Variants in VAV2 observed in about 807,000 individuals in gnomAD.
The protein encoded by VAV2 is guanine nucleotide exchange factor VAV2.
In VAV2, 67 loss-of-function variants were observed where a neutral mutation model predicts 132.5. The ratio of observed to expected loss-of-function variants is 0.51; its 90% CI spans 0.42 to 0.62. The LOEUF (loss-of-function observed/expected upper bound fraction) is 0.62, where lower values mean the gene tolerates loss of function less well. VAV2 is among the 20% of genes least tolerant of loss of function. VAV2 has a pLI of 0.00. For missense variants in VAV2, 938 were observed against 1,153.6 expected, an observed-to-expected ratio of 0.81 and a Z score of 2.71; for synonymous variants, 492 against 443.5, an observed-to-expected ratio of 1.11 and a Z score of -1.37.
intron 2 of VAV2, among the ~76,000 whole-genome samples, chr9:133,878,687 G>A (rs912119665): frequency 2.0e-5 from 3 of 152,228 alleles, no homozygotes; most frequent in Admixed American, 2.0e-4. Context: ...CTCAGGAGGA[G>A]GATTCCCAGG....
chr9:133,970,429 C>T lies in VAV2; in HGVS notation c.204+21646G>A, dbSNP rs979230443. On this transcript the variant is annotated intron_variant, in intron 1 of 29. Transcript: ENST00000371850. ...GCCCACACGAGGCCACCGAGGCTCA[C>T]GGGACCTCACCAGACCTCACCTGAC... is the stretch of plus-strand genomic sequence containing the variant. Among the ~76,000 whole-genome samples the T allele has an allele frequency of 2.0e-5, 3 of 152,338 alleles. No homozygotes were observed. The East Asian group carries it at 5.8e-4, about 29-fold the overall frequency.
intron 1 of VAV2, among the ~76,000 whole-genome samples, chr9:133,972,809 C>A (rs1441653839): frequency 2.0e-5 from 3 of 152,134 alleles, no homozygotes; most frequent in Admixed American, 6.5e-5. Context: ...ACAGATGAGG[C>A]AACCAAGGCC....
chr9:133,895,860 A>C (rs1839178191), intron 2 of VAV2, among the ~76,000 whole-genome samples: 1 of 152,200 alleles, frequency 6.6e-6, no homozygotes, highest in Admixed American at 6.5e-5. Flanking sequence ...ACACACTGGC[A>C]AAAAACTGTC....
At chr9:133,798,445 A>C (rs1834807774) in intron 9 of VAV2, among the ~76,000 whole-genome samples, 1 of 152,132 alleles carries the variant, frequency 6.6e-6, no homozygotes, top group Non-Finnish European at 1.5e-5. Flanking sequence ...TGGCCCCAGC[A>C]TCGCTCTCTC....
chr9:133,880,420 G>A (rs1838445636), intron 2 of VAV2, among the ~76,000 whole-genome samples: 1 of 152,194 alleles, frequency 6.6e-6, no homozygotes, highest in Non-Finnish European at 1.5e-5. Flanking sequence ...CAGCCATGGG[G>A]AACTCCCAGG....
chr9:133,991,544 G>A lies in VAV2; in HGVS notation c.204+531C>T, dbSNP rs558060567. On this transcript the variant is annotated intron_variant, in intron 1 of 29. Transcript: ENST00000371850. This position sits in a 1 kb window ranked among gnomAD's most constrained non-coding sequence, Gnocchi z 4.8. Reference sequence around the variant, plus strand: ...CCGGGAAGAGGCGGAGGCCGGCGAGGGGGCGGTGCCCGGGGCCAACCCAGC... The same window carrying A: ...CCGGGAAGAGGCGGAGGCCGGCGAGAGGGCGGTGCCCGGGGCCAACCCAGC... Among the ~76,000 whole-genome samples the A allele has an allele frequency of 6.6e-6, 1 of 152,096 alleles. No individual in the cohort carries two copies. The highest frequency in any genetic ancestry group is 2.1e-4 in the South Asian group (1 of 4,832).
chr9:133,950,617 T>A (rs1021776811), intron 1 of VAV2, among the ~76,000 whole-genome samples: 1 of 152,212 alleles, frequency 6.6e-6, no homozygotes, highest in Admixed American at 6.5e-5. Context: ...TTTCTCTTTA[T>A]AACCATCTTC....
Position 133,797,752 on chromosome 9 carries a change from G to C in VAV2, c.894C>G (p.Asn298Lys), listed in dbSNP as rs1189308670. 1.2e-6 allele frequency: 2 copies of C among 1,614,106 alleles called. No individual in the cohort carries two copies. Among genetic ancestry groups the C allele is most frequent in the Non-Finnish European group, 1.7e-6 (2 of 1,179,996 alleles). Residue 298 changes from asparagine (N) to lysine (K), a missense_variant, in exon 10 of 30, where the codon AAC becomes AAG. Physicochemically the swap from Asn to Lys is moderately conservative, Grantham distance 94. Coordinates refer to ENST00000371850, the MANE Select transcript of VAV2 (RefSeq NM_001134398.2). ...AGTCCTCCCGGCTGGCCAGGAGCTGGTTCAGTGTGTTCTGGGCGTGCTCCA... is the reference window on the plus strand; with the variant it reads ...AGTCCTCCCGGCTGGCCAGGAGCTGCTTCAGTGTGTTCTGGGCGTGCTCCA... ...SHMEHAQNTL[N>K]QLLASREDFR...
chr9:133,872,906 A>C (rs111830688), intron 2 of VAV2, among the ~76,000 whole-genome samples: 3,757 of 152,236 alleles, frequency 0.025, 75 homozygotes, highest in African/African-American at 0.049. Flanking sequence ...TGAAGCTAGA[A>C]GTTCTAGACC....
intron 1 of VAV2, among the ~76,000 whole-genome samples, chr9:133,947,040 T>C (rs1345005683): frequency 6.6e-6 from 1 of 152,116 alleles, no homozygotes; most frequent in Non-Finnish European, 1.5e-5. Context: ...TAGGAAGCAC[T>C]CTTAGGTGTC....
intron 13 of VAV2, among the ~76,000 whole-genome samples, chr9:133,790,505 C>T (rs560995198): frequency 6.6e-6 from 1 of 152,188 alleles, no homozygotes; most frequent in African/African-American, 2.4e-5. Flanking sequence ...ACAAGTATTA[C>T]TTCTATGTAA....
chr9:133,896,917 AC>A (rs1372346302), intron 2 of VAV2, among the ~76,000 whole-genome samples: 1 of 151,960 alleles, frequency 6.6e-6, no homozygotes, highest in Non-Finnish European at 1.5e-5. Flanking sequence ...ACATGGTGAA[AC>A]CCCGTCTCTA....
At chr9:133,775,269 G>A (rs1833773669) in intron 24 of VAV2, among the ~76,000 whole-genome samples, 1 of 152,204 alleles carries the variant, frequency 6.6e-6, no homozygotes, top group Non-Finnish European at 1.5e-5. Flanking sequence ...GGGATACAGT[G>A]AGGCTCAGGA....
intron 2 of VAV2, among the ~76,000 whole-genome samples, chr9:133,894,934 G>A (rs1839136578): frequency 6.6e-6 from 1 of 152,238 alleles, no homozygotes; most frequent in African/African-American, 2.4e-5. Flanking sequence ...GACAGCACAG[G>A]CGGAACACAG....
intron 29 of VAV2, among the ~76,000 whole-genome samples, chr9:133,765,208 C>G (rs780291212): frequency 3.3e-5 from 5 of 152,184 alleles, no homozygotes; most frequent in Non-Finnish European, 5.9e-5. Context: ...GAAGATAAAA[C>G]TAGTACATGA....
intron 2 of VAV2, among the ~76,000 whole-genome samples, chr9:133,914,716 GGGATCACGGGAGGGGGAGGAGA>G (rs1840000227): frequency 3.4e-5 from 2 of 58,630 alleles, no homozygotes; most frequent in African/African-American, 1.6e-4. Flanking sequence ...GGAGAGGGGA[GGGATCACGGGAGGGGGAGGAGA>G]GGGAAGGGGA....
chr9:133,977,903 G>T (rs1290102707), intron 1 of VAV2, among the ~76,000 whole-genome samples: 1 of 152,174 alleles, frequency 6.6e-6, no homozygotes, highest in African/African-American at 2.4e-5. Context: ...CTGGCAAAGG[G>T]GATGGGGCGT....
At position 133,965,209 on chromosome 9, in the gene VAV2, C is replaced by A. The variant is rs137914994; in HGVS notation, c.205-25990G>T. Among the ~76,000 whole-genome samples, 623 of 152,042 alleles carry A rather than the reference C, an allele frequency of 4.1e-3. 3 individuals carry two copies. Among genetic ancestry groups the A allele is most frequent in the African/African-American group, 0.012 (483 of 41,484 alleles). On this transcript the variant is annotated intron_variant, in intron 1 of 29. Coordinates refer to ENST00000371850, the MANE Select transcript of VAV2 (RefSeq NM_001134398.2). ...GAATAAAAAAAAAATCAAGAAAGGCCAGGCACAGTGGCTCATGCCTCTAAT... is the reference window on the plus strand; with the variant it reads ...GAATAAAAAAAAAATCAAGAAAGGCAAGGCACAGTGGCTCATGCCTCTAAT...
In VAV2 at chr9:133,857,350, G is replaced by A. The variant is rs1313290632; in HGVS notation, c.380+4024C>T. 2.0e-5 allele frequency among the ~76,000 whole-genome samples: 3 copies of A among 152,114 alleles called. No homozygotes were observed. The highest frequency in any genetic ancestry group is 1.9e-4 in the East Asian group (1 of 5,184). ...CCCCAACACGTTTGATCCCCCAGCC[G>A]GCACCAGGGCGGGATTCTTAGATTA... On this transcript the variant is annotated intron_variant, in intron 3 of 29. Transcript: ENST00000371850. This position sits in a 1 kb window ranked among gnomAD's most constrained non-coding sequence, Gnocchi z 4.0.
Sources: allele counts gnomAD v4.1 joint callset (sites outside exome capture counted in the v4.1 genomes callset), GRCh38; gene constraint gnomAD v4.1.1; non-coding constraint Gnocchi (gnomAD v3.1); transcripts MANE v1.5; gene names NCBI Gene and HGNC (gene_info 2026-07-23, HGNC 2026-07-21).